VSNL1: variants seen among roughly 807,000 people sequenced by gnomAD.
VSNL1 encodes visinin-like protein 1.
VSNL1 carries 6 observed loss-of-function variants against 20.4 expected under a neutral mutation model. That is an observed-to-expected ratio of 0.29 (90% CI 0.16 to 0.58). VSNL1 has a LOEUF of 0.58. VSNL1 is among the 20% of genes least tolerant of loss of function. VSNL1 has a pLI of 0.90. For synonymous variants in VSNL1, 93 were observed against 86.4 expected (o/e 1.08, Z -0.42); for missense variants, 100 against 234.5 (o/e 0.43, Z 3.75).
chr2:17,646,211 G>A (rs147724641), intron 2 of VSNL1, among the ~76,000 whole-genome samples: 206 of 152,290 alleles, frequency 1.4e-3, no homozygotes, highest in Non-Finnish European at 2.2e-3. Context: ...AAATAACTCA[G>A]TTAGAATCTC....
At chr2:17,573,137 C>T (rs181500994) in intron 1 of VSNL1, among the ~76,000 whole-genome samples, 134 of 152,258 alleles carry the variant, frequency 8.8e-4, no homozygotes, top group African/African-American at 2.4e-3. Flanking sequence ...TTTGGCCATT[C>T]GACAAGTGCG....
intron 1 of VSNL1, among the ~76,000 whole-genome samples, chr2:17,565,104 A>G (rs1440598968): frequency 1.3e-5 from 2 of 152,190 alleles, no homozygotes; most frequent in African/African-American, 4.8e-5. Context: ...ATTACTGTCT[A>G]TGGTAAGAGC....
chr2:17,652,030 G>C (rs191839504), intron 3 of VSNL1, among the ~76,000 whole-genome samples: 54 of 152,286 alleles, frequency 3.5e-4, no homozygotes, highest in Non-Finnish European at 6.0e-4. Context: ...AGTTAGCCCA[G>C]TGCCCAATTT....
intron 1 of VSNL1, among the ~76,000 whole-genome samples, chr2:17,547,877 C>T (rs55732582): frequency 6.6e-6 from 1 of 151,980 alleles, no homozygotes; most frequent in Non-Finnish European, 1.5e-5. Context: ...AACACGTTTC[C>T]CTTCTCCCCC....
At chr2:17,642,549 C>A (rs1665904954) in intron 2 of VSNL1, among the ~76,000 whole-genome samples, 1 of 152,108 alleles carries the variant, frequency 6.6e-6, no homozygotes, top group African/African-American at 2.4e-5. Context: ...ACCTTGTGAT[C>A]TGCCCGCCTC....
intron 1 of VSNL1, among the ~76,000 whole-genome samples, chr2:17,546,243 G>A (rs985008437): frequency 2.6e-5 from 4 of 151,802 alleles, no homozygotes; most frequent in African/African-American, 4.8e-5. Context: ...AATTATTATC[G>A]ATGCATAGAA....
At chr2:17,613,100 C>G (rs1665129120) in intron 2 of VSNL1, among the ~76,000 whole-genome samples, 1 of 152,124 alleles carries the variant, frequency 6.6e-6, no homozygotes, top group Admixed American at 6.5e-5. Context: ...CCCATCTTCC[C>G]CTCTCTTTTT....
intron 2 of VSNL1, among the ~76,000 whole-genome samples, chr2:17,628,585 TA>T (rs1665561677): frequency 6.6e-6 from 1 of 152,194 alleles, no homozygotes; most frequent in Non-Finnish European, 1.5e-5. Flanking sequence ...AGGACTGCAG[TA>T]ATCTGAGCAT....
chr2:17,645,114 C>T (rs1348765432), intron 2 of VSNL1, among the ~76,000 whole-genome samples: 1 of 152,216 alleles, frequency 6.6e-6, no homozygotes, highest in Non-Finnish European at 1.5e-5. Flanking sequence ...GCTCTATTTC[C>T]AGCAGACTAA....
At chr2:17,548,956 C>T (rs946395094) in intron 1 of VSNL1, among the ~76,000 whole-genome samples, 2 of 152,170 alleles carry the variant, frequency 1.3e-5, no homozygotes, top group Non-Finnish European at 2.9e-5. Context: ...AGTTGATGAA[C>T]AGTCCTCTCC....
At chr2:17,590,080 C>T (rs1437623755) in intron 1 of VSNL1, among the ~76,000 whole-genome samples, 1 of 152,172 alleles carries the variant, frequency 6.6e-6, no homozygotes, top group Non-Finnish European at 1.5e-5. Flanking sequence ...TTACCATAAG[C>T]GTTCTGAGCC....
chr2:17,627,983 G>C (rs1037399433), intron 2 of VSNL1, among the ~76,000 whole-genome samples: 2 of 152,200 alleles, frequency 1.3e-5, no homozygotes, highest in Admixed American at 6.5e-5. Flanking sequence ...AGCAAGATGG[G>C]GTCAGTTAGG....
chr2:17,641,478 G>C (rs1257026285), intron 2 of VSNL1, among the ~76,000 whole-genome samples: 1 of 152,168 alleles, frequency 6.6e-6, no homozygotes, highest in East Asian at 1.9e-4. Context: ...TGACATCCTA[G>C]TTTCATAACA....
intron 1 of VSNL1, among the ~76,000 whole-genome samples, chr2:17,580,911 G>A (rs1391921340): frequency 2.6e-5 from 4 of 152,182 alleles, no homozygotes; most frequent in Admixed American, 1.3e-4. Flanking sequence ...AGTTCAGAAA[G>A]ATATTAAGGA....
chr2:17,644,329 C>T (rs1572220067), intron 2 of VSNL1, among the ~76,000 whole-genome samples: 1 of 152,338 alleles, frequency 6.6e-6, no homozygotes, highest in East Asian at 1.9e-4. Flanking sequence ...CCTCAGCCCC[C>T]AGGACAAGGA....
chr2:17,605,679 C>T (rs183080626), intron 2 of VSNL1, among the ~76,000 whole-genome samples: 9 of 152,312 alleles, frequency 5.9e-5, no homozygotes, highest in Non-Finnish European at 1.2e-4. Context: ...TCACATTTGA[C>T]ACCAAGCATC....
intron 2 of VSNL1, among the ~76,000 whole-genome samples, chr2:17,596,259 A>G (rs1257122177): frequency 6.6e-6 from 1 of 152,238 alleles, no homozygotes; most frequent in Admixed American, 6.5e-5. Flanking sequence ...CAGAAGTCAT[A>G]GCAGATGTTT....
intron 1 of VSNL1, among the ~76,000 whole-genome samples, chr2:17,546,716 TTA>T (rs1246893029): frequency 6.6e-6 from 1 of 152,044 alleles, no homozygotes; most frequent in Non-Finnish European, 1.5e-5. Flanking sequence ...GAAATGCTTA[TTA>T]ATATAATATT....
intron 1 of VSNL1, among the ~76,000 whole-genome samples, chr2:17,559,332 A>G (rs1308329970): frequency 6.6e-6 from 1 of 152,132 alleles, no homozygotes; most frequent in Non-Finnish European, 1.5e-5. Context: ...CGTACTAGTA[A>G]TAAAATTTTA....
Sources: allele counts gnomAD v4.1 joint callset (sites outside exome capture counted in the v4.1 genomes callset), GRCh38; gene constraint gnomAD v4.1.1; transcripts MANE v1.5; gene names NCBI Gene and HGNC (gene_info 2026-07-23, HGNC 2026-07-21).